AMMECR1: variants seen among roughly 807,000 people sequenced by gnomAD.
AMMECR1 encodes AMMECR nuclear protein 1, also known as nuclear protein AMMECR1.
AMMECR1 carries 3 observed loss-of-function variants against 22.5 expected under a neutral mutation model. That is an observed-to-expected ratio of 0.13 (90% confidence interval 0.06 to 0.35). AMMECR1 has a LOEUF of 0.35. Among genes scored for constraint, AMMECR1 ranks in the 10% least tolerant of loss-of-function variants. The pLI, the probability that AMMECR1 is intolerant of heterozygous loss-of-function variation, is 1.00. For synonymous variants in AMMECR1, 130 were observed against 116.7 expected, an observed-to-expected ratio of 1.11 and a Z score of -0.74; for missense variants, 235 against 278.7, an observed-to-expected ratio of 0.84 and a Z score of 1.12.
intron 2 of AMMECR1, among the ~76,000 whole-genome samples, chrX:110,390,895 C>T (rs1331396570): frequency 8.9e-6 from 1 of 111,896 alleles, no homozygotes; most frequent in Non-Finnish European, 1.9e-5. Flanking sequence ...TATTCTTGAA[C>T]CAGCTTCAGT....
At chrX:110,259,706 C>T (rs998451935) in intron 2 of AMMECR1, among the ~76,000 whole-genome samples, 5 of 108,280 alleles carry the variant, frequency 4.6e-5, no homozygotes, top group African/African-American at 1.4e-4. Flanking sequence ...ATTCTCCTGC[C>T]TCAGCCTCCC....
chrX:110,249,435 C>A, intron 2 of AMMECR1, among the ~76,000 whole-genome samples: 1 of 111,228 alleles, frequency 9.0e-6, no homozygotes, highest in African/African-American at 3.3e-5. Flanking sequence ...CCATCTAAGA[C>A]CTTGTTTTCC....
chrX:110,317,853 G>A lies in AMMECR1; in HGVS notation c.219C>T (p.Pro73=). Residue 73 remains proline (P), a synonymous_variant, in exon 1 of 6, where the codon CCC becomes CCT. Coordinates refer to ENST00000262844, the MANE Select transcript of AMMECR1 (RefSeq NM_015365.3). ...CCCCGCCGCCGCCGCCGCAGCCCTGGGGGGGAGAGAGGGTACAGCCGCTGC... is the reference window on the plus strand; with the variant it reads ...CCCCGCCGCCGCCGCCGCAGCCCTGAGGGGGAGAGAGGGTACAGCCGCTGC... The part of the protein sequence containing the change: ...GSGSGCTLSP[P]QGCGGGGGGI... 8.5e-7 allele frequency: 1 copy of A among 1,176,654 alleles called. No individual in the cohort carries two copies. Among genetic ancestry groups the A allele is most frequent in the Non-Finnish European group, 1.1e-6 (1 of 877,782 alleles).
chrX:110,363,542 A>G (rs1354693365), intron 2 of AMMECR1, among the ~76,000 whole-genome samples: 1 of 112,258 alleles, frequency 8.9e-6, no homozygotes, highest in Non-Finnish European at 1.9e-5. Context: ...GGGAAAGTCC[A>G]TATAACTAAG....
chrX:110,234,377 C>T (rs757829008), intron 2 of AMMECR1, among the ~76,000 whole-genome samples: 2 of 111,979 alleles, frequency 1.8e-5, no homozygotes, highest in African/African-American at 3.2e-5. Flanking sequence ...TAGAAAGAAT[C>T]GATATCGTGA....
At chrX:110,239,965 T>C (rs973503912) in intron 2 of AMMECR1, among the ~76,000 whole-genome samples, 1 of 111,565 alleles carries the variant, frequency 9.0e-6, no homozygotes, top group Non-Finnish European at 1.9e-5. Flanking sequence ...CTAAGCTTCA[T>C]AAGCAAAGGA....
chrX:110,277,293 T>C (rs1479018866), intron 1 of AMMECR1, among the ~76,000 whole-genome samples: 2 of 110,435 alleles, frequency 1.8e-5, no homozygotes, highest in South Asian at 7.8e-4. Flanking sequence ...AGGAACATCA[T>C]TCTGAGCAAC....
intron 1 of AMMECR1, among the ~76,000 whole-genome samples, chrX:110,270,108 A>G (rs1432401422): frequency 9.0e-6 from 1 of 111,530 alleles, no homozygotes; most frequent in Non-Finnish European, 1.9e-5. Flanking sequence ...TATAAGGACA[A>G]TAATCCTATT....
chrX:110,369,629 C>T (rs925564250), intron 2 of AMMECR1, among the ~76,000 whole-genome samples: 3 of 111,363 alleles, frequency 2.7e-5, no homozygotes, highest in African/African-American at 9.8e-5. Context: ...AAGCTAGAGT[C>T]TCCCTCTGCC....
intron 2 of AMMECR1, among the ~76,000 whole-genome samples, chrX:110,349,332 C>G (rs771972448): frequency 4.2e-4 from 47 of 111,476 alleles, no homozygotes; most frequent in Admixed American, 1.8e-3. Flanking sequence ...ACTGAGAAGT[C>G]CAAGATTGAG....
intron 2 of AMMECR1, among the ~76,000 whole-genome samples, chrX:110,244,474 C>T (rs775880913): frequency 1.8e-5 from 2 of 111,815 alleles, no homozygotes; most frequent in East Asian, 2.8e-4. Context: ...GAAATTGAGT[C>T]GTATATGTCC....
At chrX:110,333,146 A>G (rs1221157910) in intron 2 of AMMECR1, among the ~76,000 whole-genome samples, 1 of 111,995 alleles carries the variant, frequency 8.9e-6, no homozygotes, top group African/African-American at 3.3e-5. Flanking sequence ...TGTTCTGGGT[A>G]TCATTTGCTA....
intron 2 of AMMECR1, among the ~76,000 whole-genome samples, chrX:110,338,305 G>A (rs925372849): frequency 1.1e-4 from 12 of 112,357 alleles, no homozygotes; most frequent in Admixed American, 1.9e-4. Flanking sequence ...ATGGAGAAGG[G>A]AAGAAGAGTG....
At chrX:110,199,716 TCA>T (rs2067387489) in intron 5 of AMMECR1, among the ~76,000 whole-genome samples, 1 of 111,286 alleles carries the variant, frequency 9.0e-6, no homozygotes, top group Admixed American at 9.6e-5. Flanking sequence ...TCTTCCCATC[TCA>T]CTGCCACAGC....
chrX:110,305,625 G>A (rs993417875), intron 1 of AMMECR1: 1 of 111,674 alleles, frequency 9.0e-6, no homozygotes, highest in African/African-American at 3.3e-5. Flanking sequence ...TTAGATGTAA[G>A]TTTTTCATTA....
At chrX:110,318,665 G>A (rs1436938677), upstream of AMMECR1, among the ~76,000 whole-genome samples, 1 of 111,183 alleles carries the variant, frequency 9.0e-6, no homozygotes, top group Non-Finnish European at 1.9e-5. Context: ...GAGCGAGCAG[G>A]TGCCCAGAGC....
intron 2 of AMMECR1, among the ~76,000 whole-genome samples, chrX:110,405,014 A>G (rs962573043): frequency 9.1e-6 from 1 of 109,933 alleles, no homozygotes; most frequent in Non-Finnish European, 1.9e-5. Flanking sequence ...GAAACTATAC[A>G]TACTGTGATG....
chrX:110,291,387 G>A (rs1216771639), intron 1 of AMMECR1, among the ~76,000 whole-genome samples: 1 of 110,806 alleles, frequency 9.0e-6, no homozygotes, highest in Admixed American at 9.6e-5. Context: ...ATTAGCCGGC[G>A]TGGTGGTGCG....
intron 1 of AMMECR1, among the ~76,000 whole-genome samples, chrX:110,427,001 G>C (rs982685372): frequency 8.9e-6 from 1 of 112,263 alleles, no homozygotes; most frequent in Non-Finnish European, 1.9e-5. Context: ...AAACCCAAGA[G>C]TTGTAGTTCA....
Sources: gnomAD v4.1 joint callset for allele counts (sites outside exome capture counted in the v4.1 genomes callset) on GRCh38, gnomAD v4.1.1 for gene constraint, MANE v1.5 for transcripts, NCBI Gene and HGNC (gene_info 2026-07-23, HGNC 2026-07-21) for gene names.